Variants in NIBAN1 observed in about 807,000 individuals in gnomAD.
NIBAN1 encodes protein Niban 1.
NIBAN1 carries 81 observed loss-of-function variants against 75.1 expected under a neutral mutation model. That is an observed-to-expected ratio of 1.08 (90% CI 0.90 to 1.30). NIBAN1 has a LOEUF of 1.30. NIBAN1 is among the 50% of genes most tolerant of loss of function. The pLI is 0.00. For synonymous variants in NIBAN1, 436 were observed against 424.8 expected, an observed-to-expected ratio of 1.03 and a Z score of -0.32; for missense variants, 1,133 against 1,128.1, an observed-to-expected ratio of 1.00 and a Z score of -0.06.
At chr1:184,935,230 C>T (rs554684676) in intron 1 of NIBAN1, among the ~76,000 whole-genome samples, 3 of 151,956 alleles carry the variant, frequency 2.0e-5, no homozygotes, top group South Asian at 2.1e-4. Context: ...AAATAAGATC[C>T]GAGGCTGGGA....
intron 1 of NIBAN1, among the ~76,000 whole-genome samples, chr1:184,943,432 C>A (rs1571593258): frequency 1.3e-5 from 2 of 152,226 alleles, no homozygotes; most frequent in East Asian, 1.9e-4. Context: ...CCCAATGCAC[C>A]AATGCCATTT....
At chr1:184,805,492 T>G (rs1557870714) in intron 11 of NIBAN1, among the ~76,000 whole-genome samples, 1 of 152,182 alleles carries the variant, frequency 6.6e-6, no homozygotes, top group Non-Finnish European at 1.5e-5. Flanking sequence ...TTAAAACAAT[T>G]TCATATGGTA....
chr1:184,831,972 A>C lies in NIBAN1; in HGVS notation c.602-10T>G. 1.3e-6 allele frequency: 2 copies of C among 1,599,504 alleles called. No individual in the cohort carries two copies. The highest frequency in any genetic ancestry group is 1.7e-6 in the Non-Finnish European group (2 of 1,166,740). On this transcript the variant is annotated splice_polypyrimidine_tract_variant and intron_variant, in intron 5 of 13. Transcript: ENST00000367511. ...ATCTGCTTCATGTAATCTAAAGAAAAGAAGAAAGGGCATTCAGCAAGATAA... is the reference window on the plus strand; with the variant it reads ...ATCTGCTTCATGTAATCTAAAGAAACGAAGAAAGGGCATTCAGCAAGATAA...
In NIBAN1 at chr1:184,795,024, C is replaced by T. The variant is rs1653799697; in HGVS notation, c.2740G>A (p.Gly914Arg). Residue 914 changes from glycine to arginine, a missense_variant, in exon 14 of 14, where the codon GGA becomes AGA. By Grantham distance (125) the Gly-to-Arg change is moderately radical. Transcript: ENST00000367511. ...LLSHKDDVKE[G>R]EGGQESFPEL... ...GGGAAACTCTCCTGACCACCTTCTCCCTCCTTCACGTCATCTTTGTGTGAC... is the reference window on the plus strand; with the variant it reads ...GGGAAACTCTCCTGACCACCTTCTCTCTCCTTCACGTCATCTTTGTGTGAC... 1.9e-6 allele frequency: 3 copies of T among 1,613,192 alleles called. No homozygotes were observed. The highest frequency in any genetic ancestry group is 1.3e-5 in the African/African-American group (1 of 74,936).
intron 5 of NIBAN1, among the ~76,000 whole-genome samples, chr1:184,834,340 G>A (rs927529225): frequency 6.6e-5 from 10 of 152,318 alleles, no homozygotes; most frequent in African/African-American, 2.2e-4. Context: ...TGTCTTTACA[G>A]TAACATGATT....
chr1:184,935,790 G>T (rs549712376), intron 1 of NIBAN1, among the ~76,000 whole-genome samples: 2 of 143,274 alleles, frequency 1.4e-5, no homozygotes, highest in South Asian at 2.2e-4. Flanking sequence ...AAGAGTTAGG[G>T]TTTTTTTTTT....
At chr1:184,913,869 G>A (rs1248308281) in intron 1 of NIBAN1, among the ~76,000 whole-genome samples, 1 of 152,176 alleles carries the variant, frequency 6.6e-6, no homozygotes, top group Non-Finnish European at 1.5e-5. Context: ...GTAAGAAGTG[G>A]ATTGCAGCCA....
intron 1 of NIBAN1, among the ~76,000 whole-genome samples, chr1:184,919,257 A>G (rs1657468621): frequency 6.6e-6 from 1 of 152,234 alleles, no homozygotes; most frequent in South Asian, 2.1e-4. Context: ...GTCCTGACCT[A>G]TAGGTGAATC....
chr1:184,916,477 T>A (rs1424244753), intron 1 of NIBAN1, among the ~76,000 whole-genome samples: 1 of 138,384 alleles, frequency 7.2e-6, no homozygotes, highest in Non-Finnish European at 1.6e-5. Context: ...AGATGGGGAA[T>A]AAATTAGCTA....
At chr1:184,890,439 T>C (rs934532601) in intron 3 of NIBAN1, among the ~76,000 whole-genome samples, 8 of 152,214 alleles carry the variant, frequency 5.3e-5, no homozygotes, top group African/African-American at 1.9e-4. Context: ...CACAACATGG[T>C]AAATCAGAGT....
At chr1:184,823,922 C>A (rs1350720069) in intron 6 of NIBAN1, among the ~76,000 whole-genome samples, 180 bp from the exon 7 acceptor site, 1 of 152,194 alleles carries the variant, frequency 6.6e-6, no homozygotes, top group Non-Finnish European at 1.5e-5. Context: ...ATCTTAGAGG[C>A]TGAACATTCT....
rs1394149347 is a variant in NIBAN1, at chr1:184,798,097, G to T, written c.1648C>A (p.Leu550Ile). ...VYEEILHQILLDETLKVIKEA... is the reference protein window; with the variant it reads ...VYEEILHQILIDETLKVIKEA... Reference sequence around the variant, plus strand: ...TTCTTACCTTTCAGAGTTTCATCAAGCAGGATCTGATGTAAAATCTCCTCA... The same window carrying T: ...TTCTTACCTTTCAGAGTTTCATCAATCAGGATCTGATGTAAAATCTCCTCA... The change falls in exon 13 of 14, where the codon CTT (leucine) becomes ATT (isoleucine). Residue 550 changes from leucine (L) to isoleucine (I), a missense_variant. Leu to Ile is a conservative substitution (Grantham distance 5). Transcript: ENST00000367511. 2 of 1,609,438 alleles carry T rather than the reference G, an allele frequency of 1.2e-6. No homozygotes were observed. Among genetic ancestry groups the T allele is most frequent in the African/African-American group, 1.3e-5 (1 of 74,816 alleles).
In NIBAN1 at chr1:184,818,752, C is replaced by A; in HGVS notation, c.1059G>T (p.Glu353Asp). The A allele has an allele frequency of 6.2e-7, 1 of 1,613,384 alleles. No homozygotes were observed. The highest frequency in any genetic ancestry group is 8.5e-7 in the Non-Finnish European group (1 of 1,179,372). ...VQPFLASILE[E>D]LMGPVSSGFS... ...ATCCCGAGCTCACTGGTCCCATGAGCTCCTCCAGGATGGATGCCAGGAATG... is the reference window on the plus strand; with the variant it reads ...ATCCCGAGCTCACTGGTCCCATGAGATCCTCCAGGATGGATGCCAGGAATG... Residue 353 changes from glutamate (E) to aspartate (D), a missense_variant, in exon 9 of 14, where the codon GAG (glutamate) becomes GAT (aspartate). Physicochemically the swap from Glu to Asp is conservative, Grantham distance 45. Transcript: ENST00000367511.
chr1:184,851,888 G>A (rs892339402), intron 5 of NIBAN1, among the ~76,000 whole-genome samples: 1 of 147,556 alleles, frequency 6.8e-6, no homozygotes, highest in Non-Finnish European at 1.5e-5. Context: ...GTTGATATTT[G>A]CCTTTCCAGA....
intron 1 of NIBAN1, among the ~76,000 whole-genome samples, chr1:184,933,965 A>T (rs947491480): frequency 6.6e-6 from 1 of 152,156 alleles, no homozygotes; most frequent in Admixed American, 6.5e-5. Context: ...AACATACCGA[A>T]CCTTTACTGG....
At chr1:184,892,583 T>C (rs537154536) in intron 3 of NIBAN1, among the ~76,000 whole-genome samples, 4 of 152,136 alleles carry the variant, frequency 2.6e-5, no homozygotes, top group African/African-American at 7.2e-5. Flanking sequence ...TAATAAATGT[T>C]GAAAAGAGTA....
intron 5 of NIBAN1, among the ~76,000 whole-genome samples, chr1:184,872,175 AT>A (rs1656125580): frequency 6.6e-6 from 1 of 152,218 alleles, no homozygotes; most frequent in African/African-American, 2.4e-5. Flanking sequence ...GTTTAAAAAT[AT>A]TTTTAAAAAT....
chr1:184,795,991 C>A lies in NIBAN1; in HGVS notation c.1773G>T (p.Gly591=). Reference sequence around the variant, plus strand: ...TCCTGGCAGGGCTGGCCTGGTTTGACCCTGTGGGGGGCTTTAGATCTGTTA... The same window carrying A: ...TCCTGGCAGGGCTGGCCTGGTTTGAACCTGTGGGGGGCTTTAGATCTGTTA... ...SSLTDLKPPT[G]SNQASPARRA... Residue 591 remains glycine, a synonymous_variant, in exon 14 of 14, where the codon GGG becomes GGT. Transcript: ENST00000367511. 1 of 1,613,896 alleles carries A rather than the reference C, an allele frequency of 6.2e-7. No individual in the cohort carries two copies. Among genetic ancestry groups the A allele is most frequent in the South Asian group, 1.1e-5 (1 of 91,084 alleles).
chr1:184,923,985 A>G (rs112437630), intron 1 of NIBAN1, among the ~76,000 whole-genome samples: 2,663 of 149,446 alleles, frequency 0.018, 44 homozygotes, highest in South Asian at 0.046. Flanking sequence ...TAGAGTCTTC[A>G]TATTTTTCTA....
Sources: gnomAD v4.1 joint callset for allele counts (sites outside exome capture counted in the v4.1 genomes callset) on GRCh38, gnomAD v4.1.1 for gene constraint, MANE v1.5 for transcripts, NCBI Gene and HGNC (gene_info 2026-07-23, HGNC 2026-07-21) for gene names.